EPM2A: variants seen among roughly 807,000 people sequenced by gnomAD.
EPM2A encodes EPM2A glucan phosphatase, laforin, also known as laforin.
In EPM2A, 21 loss-of-function variants were observed where a neutral mutation model predicts 26.5. The observed-to-expected ratio is 0.79, with a 90% CI of 0.56 to 1.14. The LOEUF (loss-of-function observed/expected upper bound fraction) is 1.14. Ranked by LOEUF, EPM2A falls within the 50% of genes most tolerant of loss-of-function variation. The pLI, the probability that EPM2A is intolerant of heterozygous loss-of-function variation, is 0.00. For missense variants in EPM2A, 458 were observed against 440.8 expected, an observed-to-expected ratio of 1.04 and a Z score of -0.35; for synonymous variants, 217 against 177.6, an observed-to-expected ratio of 1.22 and a Z score of -1.76.
intron 3 of EPM2A, chr6:145,628,949 C>A (rs1562415402): frequency 6.6e-6 from 1 of 152,304 alleles, no homozygotes. Context: ...TTACCAAGGA[C>A]CACAGTGTGG....
intron 4 of EPM2A, among the ~76,000 whole-genome samples, chr6:145,410,843 C>T (rs1778633286): frequency 6.6e-6 from 1 of 152,208 alleles, no homozygotes; most frequent in Non-Finnish European, 1.5e-5. Flanking sequence ...CCTGCTATTA[C>T]TTAGGACTCT....
chr6:145,451,535 T>G (rs1353360235), intron 4 of EPM2A, among the ~76,000 whole-genome samples: 1 of 152,328 alleles, frequency 6.6e-6, no homozygotes, highest in East Asian at 1.9e-4. Context: ...ATATGTGTAG[T>G]CAGATTTTCT....
intron 2 of EPM2A, among the ~76,000 whole-genome samples, chr6:145,535,037 T>C (rs545745523): frequency 3.3e-5 from 5 of 152,358 alleles, no homozygotes; most frequent in African/African-American, 7.2e-5. Context: ...TCGCTCTTCA[T>C]CTTTTTATCT....
intron 4 of EPM2A, among the ~76,000 whole-genome samples, chr6:145,495,155 A>C (rs1452206914): frequency 1.3e-5 from 2 of 152,148 alleles, no homozygotes; most frequent in Non-Finnish European, 2.9e-5. Context: ...TTGCTTTATA[A>C]ATCTGGATGC....
intron 2 of EPM2A, among the ~76,000 whole-genome samples, chr6:145,606,628 G>C (rs776509478): frequency 1.3e-5 from 2 of 152,154 alleles, no homozygotes; most frequent in Non-Finnish European, 2.9e-5. Context: ...TGTAGTTTGA[G>C]TTGTCGTCAA....
chr6:145,573,482 G>A (rs186870657), intron 2 of EPM2A, among the ~76,000 whole-genome samples: 6 of 152,330 alleles, frequency 3.9e-5, no homozygotes, highest in Non-Finnish European at 7.3e-5. Flanking sequence ...ATCCACTGTC[G>A]TTCTTCAAGA....
At chr6:145,470,831 C>T (rs9497315) in intron 4 of EPM2A, among the ~76,000 whole-genome samples, 112,576 of 152,034 alleles carry the variant, frequency 0.74, 42,224 homozygotes, top group East Asian at 0.86. Context: ...CAGTGAATAT[C>T]AGCTATTCAT....
intron 2 of EPM2A, among the ~76,000 whole-genome samples, chr6:145,659,138 T>C (rs1216847152): frequency 2.0e-5 from 3 of 152,162 alleles, no homozygotes; most frequent in African/African-American, 7.2e-5. Context: ...TTCAAGTAAA[T>C]GTTAATCCAA....
intron 2 of EPM2A, among the ~76,000 whole-genome samples, chr6:145,683,429 C>T (rs1237429529): frequency 6.6e-6 from 1 of 150,522 alleles, no homozygotes; most frequent in Non-Finnish European, 1.5e-5. Flanking sequence ...TATTTATAAG[C>T]ATAGATATAT....
Position 145,626,932 on chromosome 6 carries a change from T to C in EPM2A, c.*484A>G, listed in dbSNP as rs1775851285. 9.9e-7 allele frequency: 1 copy of C among 1,009,748 alleles called. No individual in the cohort carries two copies. Among genetic ancestry groups the C allele is most frequent in the African/African-American group, 1.7e-5 (1 of 57,814 alleles). The allele number at this position is 1,009,748 out of a possible 1,614,324, so 62.5% of individuals were successfully genotyped here. ...ATCACTTTTTGACCATAGTGAGCTC[T>C]TCTTTTGTAACGGTTCAGGCTTCTA... On this transcript the variant is annotated 3_prime_UTR_variant, in exon 4 of 4. Coordinates refer to ENST00000367519, the MANE Select transcript of EPM2A (RefSeq NM_005670.4).
intron 4 of EPM2A, among the ~76,000 whole-genome samples, chr6:145,484,991 AT>A (rs1183112322): frequency 2.8e-5 from 1 of 35,650 alleles, no homozygotes; most frequent in African/African-American, 1.3e-4. Context: ...TGACATTAAA[AT>A]ATATATATAT....
intron 1 of EPM2A, among the ~76,000 whole-genome samples, chr6:145,691,978 T>C (rs1781308024): frequency 6.6e-6 from 1 of 152,050 alleles, no homozygotes; most frequent in Non-Finnish European, 1.5e-5. Context: ...ATATGCTGTC[T>C]AGAAGCAATT....
chr6:145,450,086 G>A (rs1178676768), intron 4 of EPM2A, among the ~76,000 whole-genome samples: 1 of 151,900 alleles, frequency 6.6e-6, no homozygotes, highest in African/African-American at 2.4e-5. Context: ...TGGTGTGGTG[G>A]CTCACACCTG....
rs541105272 is a variant in EPM2A at position 145,573,955 on chromosome 6, C to T, written c.340+61290G>A. 2.6e-5 allele frequency among the ~76,000 whole-genome samples: 4 copies of T among 152,244 alleles called. No homozygotes were observed. In the East Asian group the frequency reaches 7.7e-4, roughly 29 times the overall value. On this transcript the variant is annotated intron_variant, in intron 2 of 3. Coordinates refer to the EPM2A transcript ENST00000450221. ...CAGCTCAGAGCCAGTGTCCAGTAGT[C>T]CCCTAAATGTCTGATCATTTCCTTT... is the stretch of plus-strand genomic sequence containing the variant.
intron 4 of EPM2A, among the ~76,000 whole-genome samples, chr6:145,408,424 T>C (rs563081080): frequency 6.6e-6 from 1 of 152,238 alleles, no homozygotes; most frequent in South Asian, 2.1e-4. Context: ...CTACGCTAGG[T>C]TGAGACCAGT....
intron 1 of EPM2A, among the ~76,000 whole-genome samples, chr6:145,696,810 T>C (rs1471302026): frequency 6.6e-6 from 1 of 150,540 alleles, no homozygotes; most frequent in Non-Finnish European, 1.5e-5. Flanking sequence ...TGTGTGTGTG[T>C]GTGTGTGTGT....
At chr6:145,645,653 T>C (rs1416181422) in intron 2 of EPM2A, among the ~76,000 whole-genome samples, 2 of 152,004 alleles carry the variant, frequency 1.3e-5, no homozygotes, top group Non-Finnish European at 2.9e-5. Flanking sequence ...CAGGCTGGAA[T>C]GCAGTGGTGT....
chr6:145,578,366 C>T (rs61014905), intron 2 of EPM2A, among the ~76,000 whole-genome samples: 10,340 of 152,048 alleles, frequency 0.068, 1,155 homozygotes, highest in African/African-American at 0.23. Context: ...GACATTACAA[C>T]GGATACCACA....
Position 145,627,428 on chromosome 6 carries a change from C to A in EPM2A, c.984G>T (p.Val328=), listed in dbSNP as rs200996083. 2.2e-5 allele frequency: 36 copies of A among 1,614,196 alleles called. 1 individual carries two copies. In the South Asian group the frequency reaches 2.7e-4, roughly 12 times the overall value. Residue 328 remains valine, a synonymous_variant, in exon 4 of 4, where the codon GTG becomes GTT. Coordinates refer to ENST00000367519, the MANE Select transcript of EPM2A (RefSeq NM_005670.4). ...GCAGGCTGACCAGCTACAGGCTACA[C>A]ACAGAAGAACGAACCTTCCCAAATT... ...FQKFGKVRSS[V]CSL is the part of the protein sequence containing the mutation.
Sources: gnomAD v4.1 joint callset for allele counts (sites outside exome capture counted in the v4.1 genomes callset) on GRCh38, gnomAD v4.1.1 for gene constraint, MANE v1.5 for transcripts, NCBI Gene and HGNC (gene_info 2026-07-23, HGNC 2026-07-21) for gene names.